ABCC11: variants seen among roughly 807,000 people sequenced by gnomAD.
ABCC11 encodes the protein ATP binding cassette subfamily C member 11, also known as ATP-binding cassette sub-family C member 11.
A neutral mutation model predicts 149.3 loss-of-function variants in ABCC11; 135 were observed. The observed-to-expected ratio is 0.90, with a 90% CI of 0.79 to 1.04. ABCC11 has a LOEUF of 1.04. ABCC11 is among the 50% of genes least tolerant of loss of function. The pLI, the probability that ABCC11 is intolerant of heterozygous loss-of-function variation, is 0.00. For missense variants in ABCC11, 1,680 were observed against 1,722.1 expected (o/e 0.98, Z 0.43); for synonymous variants, 665 against 671.4 (o/e 0.99, Z 0.15).
chr16:48,231,790 T>C (rs752870981), intron 2 of ABCC11, 33 bp downstream of exon 2: 2 of 1,606,230 alleles, frequency 1.2e-6, no homozygotes, highest in Non-Finnish European at 1.7e-6. Context: ...CAACTCAGTT[T>C]CCTGGTGTGC....
chr16:48,186,603 G>C (rs571637776), intron 22 of ABCC11, among the ~76,000 whole-genome samples: 2 of 152,254 alleles, frequency 1.3e-5, no homozygotes, highest in East Asian at 1.9e-4. Context: ...TCATTATTTT[G>C]TTAAAGATAG....
At chr16:48,228,091 T>C in intron 3 of ABCC11, 127 bp from the exon 4 acceptor site, 1 of 900,868 alleles carries the variant, frequency 1.1e-6, no homozygotes, top group East Asian at 2.8e-5. Flanking sequence ...ATGACTCTTA[T>C]TTGTAAGTTG....
At position 48,200,512 on chromosome 16, in the gene ABCC11, G is replaced by C. The variant is rs977235764; in HGVS notation, c.1879-33C>G. ...CAGGCAGTAAAAGGCACCATGTCCA[G>C]ACAGCAAGCACAGCCAGGTGTGCTC... On this transcript the variant is annotated intron_variant, in intron 14 of 29. Transcript: ENST00000356608. The C allele has an allele frequency of 3.7e-6, 6 of 1,606,094 alleles. No homozygotes were observed. The African/African-American group carries it at 8.0e-5, about 21-fold the overall frequency.
intron 1 of ABCC11, among the ~76,000 whole-genome samples, chr16:48,247,098 G>A (rs1971431803): frequency 6.6e-6 from 1 of 152,296 alleles, no homozygotes; most frequent in African/African-American, 2.4e-5. Flanking sequence ...AGACCATCTA[G>A]TTATCCTAGA....
At position 48,196,318 on chromosome 16, in the gene ABCC11, G is replaced by A. The variant is rs531997909; in HGVS notation, c.2318C>T (p.Pro773Leu). Residue 773 changes from proline to leucine, a missense_variant, in exon 18 of 30, where the codon CCG (proline) becomes CTG (leucine). Pro to Leu is a moderately conservative substitution (Grantham distance 98, BLOSUM62 -3). Transcript: ENST00000356608. ...LEESLNGNAV[P>L]EHQLTQEEEM... is the part of the protein sequence containing the mutation. Reference sequence around the variant, plus strand: ...CTCCTCCTGTGTGAGCTGATGCTCCGGCACTGGGTCAGGGTAGAAGAAGAG... The same window carrying A: ...CTCCTCCTGTGTGAGCTGATGCTCCAGCACTGGGTCAGGGTAGAAGAAGAG... 22 of 1,613,814 alleles carry A rather than the reference G, an allele frequency of 1.4e-5. No individual in the cohort carries two copies. The highest frequency in any genetic ancestry group is 1.6e-4 in the Middle Eastern group (1 of 6,062).
At chr16:48,239,219 T>C (rs1371596550) in intron 1 of ABCC11, among the ~76,000 whole-genome samples, 1 of 152,040 alleles carries the variant, frequency 6.6e-6, no homozygotes, top group Non-Finnish European at 1.5e-5. Flanking sequence ...CCTTACACCT[T>C]ATACAAAAAT....
At position 48,215,032 on chromosome 16, in the gene ABCC11, G is replaced by T; in HGVS notation, c.1100-3C>A. ...TTTCCTTTCCTTCCTTCTTAGGTCT[G>T]GGAAATAAAAAAGAAATACACCAAA... On this transcript the variant is annotated splice_region_variant and splice_polypyrimidine_tract_variant and intron_variant, in intron 8 of 29. Transcript: ENST00000356608. 6.2e-7 allele frequency: 1 copy of T among 1,612,108 alleles called. No individual in the cohort carries two copies. The highest frequency in any genetic ancestry group is 8.5e-7 in the Non-Finnish European group (1 of 1,179,116).
In ABCC11 at chr16:48,178,679, G is replaced by C. The variant is rs1035729111; in HGVS notation, c.3266C>G (p.Ser1089Cys). 1.9e-6 allele frequency: 3 copies of C among 1,614,060 alleles called. No individual in the cohort carries two copies. Among genetic ancestry groups the C allele is most frequent in the Non-Finnish European group, 2.5e-6 (3 of 1,180,034 alleles). ...AATCCGGGCAGTGGCCTGGAAGCTG[G>C]ACGCCAGCTAGAAGGAAGGAGAAGT... ...MAVNIVLQLA[S>C]SFQATARIGL... Residue 1089 changes from serine (S) to cysteine (C), a missense_variant, in exon 24 of 30, where the codon TCC (serine) becomes TGC (cysteine). Transcript: ENST00000356608.
At chr16:48,241,348 T>G (rs1338207950) in intron 1 of ABCC11, among the ~76,000 whole-genome samples, 3 of 152,128 alleles carry the variant, frequency 2.0e-5, no homozygotes, top group African/African-American at 7.2e-5. Flanking sequence ...CTGACTGATA[T>G]CCTTCAAAAG....
intron 18 of ABCC11, among the ~76,000 whole-genome samples, chr16:48,195,213 T>C (rs1370164174): frequency 1.3e-5 from 2 of 152,230 alleles, no homozygotes; most frequent in Admixed American, 1.3e-4. Context: ...CCAGCTAGAT[T>C]CCAGGGTTGG....
chr16:48,228,701 G>A (rs1970241856), intron 3 of ABCC11, among the ~76,000 whole-genome samples: 1 of 152,180 alleles, frequency 6.6e-6, no homozygotes, highest in Non-Finnish European at 1.5e-5. Context: ...TGCTGATAGT[G>A]GTTGACATTG....
chr16:48,191,576 T>A (rs1966927205), intron 20 of ABCC11, among the ~76,000 whole-genome samples: 1 of 152,198 alleles, frequency 6.6e-6, no homozygotes, highest in East Asian at 1.9e-4. Context: ...CGAAAAGTGC[T>A]CAAAAAATAA....
intron 11 of ABCC11, chr16:48,209,876 C>T (rs1159695026): frequency 6.6e-6 from 1 of 152,104 alleles, no homozygotes; most frequent in African/African-American, 2.4e-5. Context: ...AGGAAAATCC[C>T]TCTGTCTGCT....
intron 6 of ABCC11, among the ~76,000 whole-genome samples, chr16:48,221,699 C>T (rs1301977977): frequency 1.3e-5 from 2 of 152,050 alleles, no homozygotes; most frequent in African/African-American, 4.8e-5. Flanking sequence ...GGGTCTAGAA[C>T]ATAATCTGGC....
chr16:48,232,629 G>A (rs1284905812), intron 1 of ABCC11, among the ~76,000 whole-genome samples: 1 of 152,100 alleles, frequency 6.6e-6, no homozygotes, highest in African/African-American at 2.4e-5. Context: ...GAATATTCAT[G>A]TGCCTGGGAC....
chr16:48,179,609 C>A (rs1033934972), intron 23 of ABCC11, among the ~76,000 whole-genome samples: 8 of 152,142 alleles, frequency 5.3e-5, no homozygotes, highest in Non-Finnish European at 1.2e-4. Flanking sequence ...TGTAGGCCTG[C>A]CCTCGAGGAG....
At chr16:48,210,223 A>T (rs1256174167) in intron 11 of ABCC11, 1 of 152,190 alleles carries the variant, frequency 6.6e-6, no homozygotes, top group Admixed American at 6.5e-5. Context: ...TTTAAGAGAG[A>T]TATTAAATAG....
intron 10 of ABCC11, among the ~76,000 whole-genome samples, 169 bp from the exon 11 acceptor site, chr16:48,211,368 G>C (rs763319583): frequency 3.9e-5 from 6 of 152,196 alleles, no homozygotes; most frequent in African/African-American, 7.2e-5. Flanking sequence ...TTCTGTGGGT[G>C]AAAATTCCAG....
At chr16:48,195,141 A>G (rs1224198349) in intron 18 of ABCC11, among the ~76,000 whole-genome samples, 2 of 152,164 alleles carry the variant, frequency 1.3e-5, no homozygotes, top group Non-Finnish European at 2.9e-5. Context: ...CTTTGATGAG[A>G]TTTGAGATTC....
Sources: allele counts gnomAD v4.1 joint callset (sites outside exome capture counted in the v4.1 genomes callset), GRCh38; gene constraint gnomAD v4.1.1; transcripts MANE v1.5; gene names NCBI Gene and HGNC (gene_info 2026-07-23, HGNC 2026-07-21).